The following IL7 variants were observed in gnomAD, a reference collection of about 807,000 sequenced individuals.
IL7 encodes the protein interleukin 7, also known as interleukin-7.
Under a neutral mutation model 21.6 loss-of-function variants are expected in IL7, and 3 were observed. The ratio of observed to expected loss-of-function variants is 0.14; its 90% CI spans 0.06 to 0.36. IL7 has a LOEUF of 0.36. Ranked by LOEUF, IL7 falls within the 10% of genes least tolerant of loss-of-function variation. IL7 has a pLI of 1.00. For synonymous variants in IL7, 62 were observed against 68.1 expected, an observed-to-expected ratio of 0.91 and a Z score of 0.44; for missense variants, 175 against 200.2, an observed-to-expected ratio of 0.87 and a Z score of 0.76.
intron 2 of IL7, among the ~76,000 whole-genome samples, chr8:78,747,835 G>C (rs1812035316): frequency 6.6e-6 from 1 of 152,150 alleles, no homozygotes; most frequent in Admixed American, 6.5e-5. Flanking sequence ...CCCAACTTGA[G>C]AACTGTTATG....
chr8:78,751,198 G>C (rs1812159596), intron 2 of IL7, among the ~76,000 whole-genome samples: 1 of 151,478 alleles, frequency 6.6e-6, no homozygotes, highest in South Asian at 2.1e-4. Flanking sequence ...AGAAGAGACA[G>C]AAAAAGAAAA....
At chr8:78,783,466 C>T (rs970286622) in intron 2 of IL7, among the ~76,000 whole-genome samples, 4 of 152,062 alleles carry the variant, frequency 2.6e-5, no homozygotes, top group African/African-American at 7.2e-5. Context: ...TAGTTGCCAG[C>T]ACAGGATTCA....
At chr8:78,682,481 C>A (rs564658696) in intron 4 of IL7, among the ~76,000 whole-genome samples, 15 of 152,218 alleles carry the variant, frequency 9.9e-5, no homozygotes, top group Admixed American at 2.0e-4. Flanking sequence ...GGGAACTTCC[C>A]TTTTTAATAA....
intron 4 of IL7, among the ~76,000 whole-genome samples, chr8:78,680,898 G>A (rs112728314): frequency 0.021 from 3,252 of 152,212 alleles, 121 homozygotes; most frequent in African/African-American, 0.068. Flanking sequence ...GGAGCTGTAG[G>A]AATTTGGATA....
chr8:78,801,464 G>A (rs1814056530), intron 1 of IL7, among the ~76,000 whole-genome samples: 1 of 152,170 alleles, frequency 6.6e-6, no homozygotes, highest in Non-Finnish European at 1.5e-5. Flanking sequence ...GGCTGAGGCA[G>A]GAGGATTGTT....
intron 4 of IL7, 79 bp downstream of exon 4, chr8:78,738,425 T>C: frequency 8.8e-7 from 1 of 1,139,660 alleles, no homozygotes; most frequent in South Asian, 1.5e-5. Context: ...TGATAATGGA[T>C]GTGATCATCA....
intron 2 of IL7, among the ~76,000 whole-genome samples, chr8:78,751,364 T>A (rs1252749399): frequency 6.6e-6 from 1 of 151,968 alleles, no homozygotes; most frequent in East Asian, 1.9e-4. Flanking sequence ...ATGTTAAGAG[T>A]AAAAAACCAG....
chr8:78,745,623 C>A (rs1161260350), intron 2 of IL7, among the ~76,000 whole-genome samples: 1 of 152,088 alleles, frequency 6.6e-6, no homozygotes, highest in African/African-American at 2.4e-5. Flanking sequence ...TTTGCTAGTA[C>A]CAGTGCATAA....
intron 2 of IL7, among the ~76,000 whole-genome samples, chr8:78,767,079 A>G (rs1812777844): frequency 6.6e-6 from 1 of 152,070 alleles, no homozygotes; most frequent in South Asian, 2.1e-4. Flanking sequence ...CTTCTTTTCT[A>G]TGAATAGTCT....
At chr8:78,685,332 T>C (rs1415038630) in intron 4 of IL7, among the ~76,000 whole-genome samples, 1 of 152,142 alleles carries the variant, frequency 6.6e-6, no homozygotes, top group African/African-American at 2.4e-5. Context: ...ATAAAATATT[T>C]AGGAAATTTT....
intron 5 of IL7, among the ~76,000 whole-genome samples, chr8:78,735,386 C>T (rs553486172): frequency 1.9e-4 from 28 of 148,966 alleles, no homozygotes; most frequent in African/African-American, 6.7e-4. Context: ...GATCTCGGCT[C>T]ACTGCAACCT....
At chr8:78,795,413 T>C (rs1434715198) in intron 2 of IL7, among the ~76,000 whole-genome samples, 2 of 152,104 alleles carry the variant, frequency 1.3e-5, no homozygotes, top group South Asian at 2.1e-4. Flanking sequence ...TGATTAGCTG[T>C]GTTCTCTTCC....
At chr8:78,723,416 G>GT (rs897414037) in intron 3 of IL7, among the ~76,000 whole-genome samples, 3 of 151,920 alleles carry the variant, frequency 2.0e-5, no homozygotes, top group African/African-American at 7.2e-5. Flanking sequence ...ACCTCCGTTT[G>GT]TACTTAAGCT....
chr8:78,753,517 C>T (rs182111873), intron 2 of IL7, among the ~76,000 whole-genome samples: 35 of 152,258 alleles, frequency 2.3e-4, no homozygotes, highest in South Asian at 6.2e-4. Flanking sequence ...TTCTCCCATT[C>T]TGTAGGTAAC....
At chr8:78,704,104 A>G (rs1810692975) in intron 3 of IL7, among the ~76,000 whole-genome samples, 1 of 152,118 alleles carries the variant, frequency 6.6e-6, no homozygotes, top group African/African-American at 2.4e-5. Context: ...AATGTTAGCC[A>G]GGTGTGGTGG....
intron 2 of IL7, among the ~76,000 whole-genome samples, chr8:78,783,702 A>G (rs962788936): frequency 6.6e-6 from 1 of 152,212 alleles, no homozygotes; most frequent in Non-Finnish European, 1.5e-5. Flanking sequence ...TGAACTTTAA[A>G]TATCAATTTC....
intron 3 of IL7, among the ~76,000 whole-genome samples, chr8:78,687,616 A>G (rs940223120): frequency 1.3e-4 from 18 of 135,322 alleles, no homozygotes; most frequent in Non-Finnish European, 2.2e-4. Flanking sequence ...AATACATTAT[A>G]TATATTTACG....
At chr8:78,706,806 T>A (rs1259312393) in intron 3 of IL7, among the ~76,000 whole-genome samples, 1 of 152,288 alleles carries the variant, frequency 6.6e-6, no homozygotes, top group African/African-American at 2.4e-5. Flanking sequence ...GTAACTACAT[T>A]TTGCTTCTCA....
chr8:78,677,938 G>A (rs1488518532), intron 4 of IL7, among the ~76,000 whole-genome samples: 2 of 152,070 alleles, frequency 1.3e-5, no homozygotes, highest in African/African-American at 4.8e-5. Flanking sequence ...AACAAGGGGT[G>A]GATTATTCAT....
Sources: gnomAD v4.1 joint callset for allele counts (sites outside exome capture counted in the v4.1 genomes callset) on GRCh38, gnomAD v4.1.1 for gene constraint, MANE v1.5 for transcripts, NCBI Gene and HGNC (gene_info 2026-07-23, HGNC 2026-07-21) for gene names.